The following METTL15 variants were observed in gnomAD, a reference collection of about 807,000 sequenced individuals.
METTL15 encodes 12S rRNA N(4)-cytidine methyltransferase METTL15.
In METTL15, 34 loss-of-function variants were observed where a neutral mutation model predicts 38.3. The ratio of observed to expected loss-of-function variants is 0.89; its 90% CI spans 0.68 to 1.18. METTL15 has a LOEUF of 1.18. Ranked by LOEUF, METTL15 falls within the 50% of genes most tolerant of loss-of-function variation. The pLI is 0.00. For synonymous variants in METTL15, 162 were observed against 170.9 expected, an observed-to-expected ratio of 0.95 and a Z score of 0.41; for missense variants, 438 against 498.4, an observed-to-expected ratio of 0.88 and a Z score of 1.15.
chr11:28,127,715 G>C (rs528846935), intron 3 of METTL15, among the ~76,000 whole-genome samples: 3 of 151,946 alleles, frequency 2.0e-5, no homozygotes, highest in Non-Finnish European at 4.4e-5. Flanking sequence ...TGTAGAATAA[G>C]CATTACCACA....
intron 5 of METTL15, among the ~76,000 whole-genome samples, chr11:28,411,536 G>A (rs1389250716): frequency 6.6e-6 from 1 of 151,946 alleles, no homozygotes; most frequent in Non-Finnish European, 1.5e-5. Context: ...ATTTCTACAT[G>A]CAAAAGAATG....
At chr11:28,513,125 T>C (rs1166819482) in intron 6 of METTL15, among the ~76,000 whole-genome samples, 1 of 152,174 alleles carries the variant, frequency 6.6e-6, no homozygotes, top group Non-Finnish European at 1.5e-5. Context: ...CACATTTTCT[T>C]CCAGACTCAA....
chr11:28,284,393 A>G (rs528318977), intron 4 of METTL15, among the ~76,000 whole-genome samples: 13 of 152,194 alleles, frequency 8.5e-5, no homozygotes, highest in African/African-American at 2.9e-4. Flanking sequence ...TTACAAGTAC[A>G]TTAGCTGTAA....
rs1851469381 is a variant in METTL15, at chr11:28,185,712, C to A, written c.271-25350C>A. On this transcript the variant is annotated intron_variant, in intron 3 of 6. Transcript: ENST00000407364. Reference sequence around the variant, plus strand: ...TGTATTCTAAAGTCCCAGGCCAAAGCAAAGTGAATTATTCTAATTCTGTAT... The same window carrying A: ...TGTATTCTAAAGTCCCAGGCCAAAGAAAAGTGAATTATTCTAATTCTGTAT... Among the ~76,000 whole-genome samples the A allele has an allele frequency of 2.0e-5, 3 of 151,090 alleles. No homozygotes were observed. In the Admixed American group the frequency reaches 2.0e-4, roughly 10 times the overall value.
intron 4 of METTL15, among the ~76,000 whole-genome samples, chr11:28,361,055 A>G (rs906588856): frequency 6.6e-6 from 1 of 151,734 alleles, no homozygotes; most frequent in African/African-American, 2.4e-5. Context: ...AATCCAATCT[A>G]TCATTGTTGG....
chr11:28,110,624 T>C (rs2133582249), intron 2 of METTL15, among the ~76,000 whole-genome samples: 1 of 152,320 alleles, frequency 6.6e-6, no homozygotes, highest in South Asian at 2.1e-4. Flanking sequence ...TTCTCTTTCC[T>C]TAGAACCTCT....
chr11:28,300,574 C>A (rs1012431073), intron 6 of METTL15, among the ~76,000 whole-genome samples: 1 of 152,144 alleles, frequency 6.6e-6, no homozygotes, highest in African/African-American at 2.4e-5. Context: ...AGAGCACTTA[C>A]AAGCATTGTG....
chr11:28,234,128 A>G (rs1450477736), intron 4 of METTL15, among the ~76,000 whole-genome samples: 1 of 152,192 alleles, frequency 6.6e-6, no homozygotes, highest in Non-Finnish European at 1.5e-5. Context: ...TACAAAGGAC[A>G]TGAACTCATC....
At chr11:28,361,176 G>A (rs1002432162) in intron 4 of METTL15, among the ~76,000 whole-genome samples, 1 of 150,806 alleles carries the variant, frequency 6.6e-6, no homozygotes, top group Non-Finnish European at 1.5e-5. Context: ...TATATACCCA[G>A]TAATGGGATG....
At chr11:28,479,414 T>A (rs773491681) in intron 6 of METTL15, among the ~76,000 whole-genome samples, 9 of 152,112 alleles carry the variant, frequency 5.9e-5, no homozygotes, top group Non-Finnish European at 8.8e-5. Flanking sequence ...AACTAAGAGA[T>A]CTTTGTATGG....
chr11:28,354,083 TAC>T (rs1030883016), intron 4 of METTL15, among the ~76,000 whole-genome samples: 9 of 152,084 alleles, frequency 5.9e-5, no homozygotes, highest in African/African-American at 2.2e-4. Context: ...GAAATGAGAC[TAC>T]AGAACGTACC....
Position 28,443,861 on chromosome 11 carries a change from T to C in METTL15, c.*424+19497T>C, listed in dbSNP as rs140809716. On this transcript the variant is annotated intron_variant and NMD_transcript_variant, in intron 6 of 7. Coordinates refer to the METTL15 transcript ENST00000532947. ...CCCCTGGACTAATGTAGTAGTTTTA[T>C]AAGTGATTGATCTGCCACCCTGTAA... Among the ~76,000 whole-genome samples the C allele has an allele frequency of 1.2e-3, 188 of 152,336 alleles. 1 individual carries two copies. Among genetic ancestry groups the C allele is most frequent in the Admixed American group, 2.9e-3 (44 of 15,304 alleles).
At chr11:28,422,185 G>C (rs555491741) in intron 5 of METTL15, among the ~76,000 whole-genome samples, 1 of 151,736 alleles carries the variant, frequency 6.6e-6, no homozygotes, top group Non-Finnish European at 1.5e-5. Context: ...AAAAGAAATG[G>C]AAGGGGATAC....
intron 5 of METTL15, among the ~76,000 whole-genome samples, chr11:28,375,781 C>T (rs1038376814): frequency 3.3e-5 from 5 of 151,814 alleles, no homozygotes; most frequent in Non-Finnish European, 5.9e-5. Flanking sequence ...TTGGATCTTT[C>T]CTGCTTTCTC....
chr11:28,407,598 A>AACCACAATG (rs1850685116), intron 5 of METTL15, among the ~76,000 whole-genome samples: 1 of 152,348 alleles, frequency 6.6e-6, no homozygotes, highest in South Asian at 2.1e-4. Flanking sequence ...TGCAAATCAA[A>AACCACAATG]ACCACAATGA....
intron 3 of METTL15, among the ~76,000 whole-genome samples, chr11:28,128,881 G>C (rs867147031): frequency 1.4e-4 from 22 of 152,130 alleles, no homozygotes; most frequent in South Asian, 2.1e-4. Flanking sequence ...TTTTAGGAGA[G>C]TACAAATACA....
At chr11:28,485,903 C>G (rs985729808) in intron 6 of METTL15, among the ~76,000 whole-genome samples, 4 of 152,106 alleles carry the variant, frequency 2.6e-5, no homozygotes, top group African/African-American at 9.7e-5. Context: ...TTCTTCTATG[C>G]GTGTGCATGT....
At chr11:28,377,778 A>G (rs1850334074) in intron 5 of METTL15, among the ~76,000 whole-genome samples, 1 of 150,046 alleles carries the variant, frequency 6.7e-6, no homozygotes, top group South Asian at 2.1e-4. Context: ...TTTTTTCCCC[A>G]TCTTTGTGGT....
At chr11:28,390,368 T>C (rs367933695) in intron 5 of METTL15, among the ~76,000 whole-genome samples, 29 of 151,110 alleles carry the variant, frequency 1.9e-4, no homozygotes, top group Non-Finnish European at 2.2e-4. Context: ...TTAGGTCTAA[T>C]ATTTAAGTCT....
Sources: allele counts gnomAD v4.1 joint callset (sites outside exome capture counted in the v4.1 genomes callset), GRCh38; gene constraint gnomAD v4.1.1; transcripts MANE v1.5; gene names NCBI Gene and HGNC (gene_info 2026-07-23, HGNC 2026-07-21).